Variants in CFAP47 observed in about 807,000 individuals in gnomAD.
The protein encoded by CFAP47 is cilia and flagella associated protein 47.
A neutral mutation model predicts 148.1 loss-of-function variants in CFAP47; 29 were observed. The observed-to-expected ratio is 0.20, with a 90% CI of 0.15 to 0.27. The LOEUF is 0.27. Ranked by LOEUF, CFAP47 falls within the 10% of genes least tolerant of loss-of-function variation. The pLI, the probability that CFAP47 is intolerant of heterozygous loss-of-function variation, is 1.00. For missense variants in CFAP47, 1,872 were observed against 1,697.5 expected, an observed-to-expected ratio of 1.10 and a Z score of -1.81; for synonymous variants, 664 against 577.3, an observed-to-expected ratio of 1.15 and a Z score of -2.15.
intron 35 of CFAP47, chrX:36,144,487 T>A (rs181230673): frequency 3.2e-6 from 3 of 925,012 alleles, no homozygotes; most frequent in African/African-American, 2.1e-5. Flanking sequence ...ATTATCTTAT[T>A]TGATGGTTAA....
intron 3 of CFAP47, among the ~76,000 whole-genome samples, chrX:35,946,251 A>C (rs1936084493): frequency 8.9e-6 from 1 of 111,919 alleles, no homozygotes. Context: ...AAAGCCAAAC[A>C]AATGGTTTTT....
At chrX:36,136,787 C>T (rs183013493) in intron 33 of CFAP47, among the ~76,000 whole-genome samples, 1 of 111,757 alleles carries the variant, frequency 8.9e-6, no homozygotes, top group East Asian at 2.8e-4. Flanking sequence ...TATCATTATT[C>T]AGCCAACTGA....
intron 2 of CFAP47, among the ~76,000 whole-genome samples, chrX:35,929,773 C>T (rs1411691614): frequency 5.4e-5 from 6 of 110,694 alleles, no homozygotes; most frequent in South Asian, 3.8e-4. Flanking sequence ...CTGAGGCAGG[C>T]GGATCACTTG....
chrX:36,131,644 C>T (rs1938951230), intron 33 of CFAP47, among the ~76,000 whole-genome samples: 1 of 111,376 alleles, frequency 9.0e-6, no homozygotes, highest in African/African-American at 3.2e-5. Context: ...GTGGTATATT[C>T]CCAAAGTGGA....
chrX:36,062,812 T>C (rs1335464664), intron 26 of CFAP47, among the ~76,000 whole-genome samples: 1 of 111,248 alleles, frequency 9.0e-6, no homozygotes, highest in East Asian at 2.8e-4. Context: ...CCCAACTCTG[T>C]GATTATATTT....
At chrX:36,209,355 A>G (rs1940075583) in intron 45 of CFAP47, among the ~76,000 whole-genome samples, 1 of 111,777 alleles carries the variant, frequency 8.9e-6, no homozygotes, top group South Asian at 3.6e-4. Flanking sequence ...TATAATTTAT[A>G]TGTATCTTTC....
At chrX:36,160,868 T>A in intron 39 of CFAP47, 99 bp downstream of exon 39, 1 of 232,237 alleles carries the variant, frequency 4.3e-6, no homozygotes, top group Non-Finnish European at 7.6e-6. Context: ...TTTTTTTTTT[T>A]TGAGACAGTC....
rs73197157 is a variant in CFAP47 at position 36,151,950 on chromosome X, C to T, written c.5786+2727C>T. On this transcript the variant is annotated intron_variant, in intron 37 of 63. Coordinates refer to ENST00000378653, the MANE Select transcript of CFAP47 (RefSeq NM_001304548.2). ...CTTGCTTTCTAGTTCATAGATGGTACTTTCTTTCTGTGTCTTCACGTGGTG... is the reference window on the plus strand; with the variant it reads ...CTTGCTTTCTAGTTCATAGATGGTATTTTCTTTCTGTGTCTTCACGTGGTG... 2.6e-3 allele frequency among the ~76,000 whole-genome samples: 292 copies of T among 111,229 alleles called. 1 individual carries two copies. Among genetic ancestry groups the T allele is most frequent in the Non-Finnish European group, 3.9e-3 (209 of 52,998 alleles).
intron 37 of CFAP47, among the ~76,000 whole-genome samples, chrX:36,151,542 C>T (rs186721733): frequency 3.4e-4 from 38 of 111,241 alleles, no homozygotes; most frequent in African/African-American, 9.1e-4. Context: ...ATATTGGACA[C>T]GGAGACATTA....
intron 50 of CFAP47, among the ~76,000 whole-genome samples, chrX:36,282,242 A>G (rs1220372056): frequency 9.0e-6 from 1 of 110,837 alleles, no homozygotes; most frequent in African/African-American, 3.3e-5. Flanking sequence ...CAGTGAAATC[A>G]TGCAGGTGAG....
At chrX:36,296,177 T>A (rs1016338198) in intron 51 of CFAP47, among the ~76,000 whole-genome samples, 1 of 111,889 alleles carries the variant, frequency 8.9e-6, no homozygotes, top group Non-Finnish European at 1.9e-5. Context: ...ATTTAAGTAC[T>A]CCATAGACAC....
intron 63 of CFAP47, among the ~76,000 whole-genome samples, chrX:36,380,918 T>A (rs1942072525): frequency 8.9e-6 from 1 of 112,094 alleles, no homozygotes; most frequent in African/African-American, 3.2e-5. Context: ...CTGATTTCTC[T>A]GTGTTGATTT....
intron 33 of CFAP47, among the ~76,000 whole-genome samples, chrX:36,111,429 A>G (rs1433846633): frequency 8.9e-6 from 1 of 112,129 alleles, no homozygotes; most frequent in African/African-American, 3.2e-5. Flanking sequence ...CATTGAATTA[A>G]TCTTATGTTG....
Position 36,228,742 on chromosome X carries a change from G to T in CFAP47, c.6932G>T (p.Gly2311Val), listed in dbSNP as rs1569293444. ...GATGTGCGTGCCTATTATGTTGAAG[G>T]TATTGTGAATGAAGAACAACCAGAG... ...RYDVRAYYVE[G>V]IVNEEQPEAK... Residue 2311 changes from glycine to valine, a missense_variant, in exon 46 of 64, where the codon GGT (glycine) becomes GTT (valine). Physicochemically the swap from Gly to Val is moderately radical, Grantham distance 109. Transcript: ENST00000378653. The T allele has an allele frequency of 7.6e-6, 4 of 524,987 alleles. No individual in the cohort carries two copies. The highest frequency in any genetic ancestry group is 1.0e-5 in the Non-Finnish European group (3 of 286,398). 43.3% of individuals were successfully genotyped at this position (524,987 alleles called of 1,213,427 possible).
chrX:36,099,624 G>T, intron 31 of CFAP47, 127 bp from the exon 32 acceptor site: 2 of 367,465 alleles, frequency 5.4e-6, no homozygotes, highest in African/African-American at 2.6e-5. Context: ...TTCTATTATT[G>T]GCACATTGCA....
At chrX:36,123,091 G>A (rs977606017) in intron 33 of CFAP47, among the ~76,000 whole-genome samples, 2 of 111,853 alleles carry the variant, frequency 1.8e-5, no homozygotes, top group African/African-American at 3.3e-5. Flanking sequence ...AAAATCCAGA[G>A]GAATTTTCTG....
chrX:36,254,836 A>C (rs782519529), intron 49 of CFAP47, among the ~76,000 whole-genome samples: 1 of 111,938 alleles, frequency 8.9e-6, no homozygotes, highest in Admixed American at 9.5e-5. Flanking sequence ...AATTGATTAA[A>C]GCTTTCTCTT....
At chrX:36,338,262 C>T (rs960946182) in intron 57 of CFAP47, among the ~76,000 whole-genome samples, 3 of 109,335 alleles carry the variant, frequency 2.7e-5, no homozygotes, top group African/African-American at 6.7e-5. Flanking sequence ...AAAAGTCACA[C>T]GGCTCTTTAT....
chrX:36,247,023 C>T (rs1940624063), intron 48 of CFAP47, among the ~76,000 whole-genome samples: 1 of 111,180 alleles, frequency 9.0e-6, no homozygotes, highest in Non-Finnish European at 1.9e-5. Flanking sequence ...TGGAAGCTAC[C>T]CAGGTGCCCA....
Sources: gnomAD v4.1 joint callset for allele counts (sites outside exome capture counted in the v4.1 genomes callset) on GRCh38, gnomAD v4.1.1 for gene constraint, MANE v1.5 for transcripts, NCBI Gene and HGNC (gene_info 2026-07-23, HGNC 2026-07-21) for gene names.